GDAP2: variants seen among roughly 807,000 people sequenced by gnomAD.
The protein encoded by GDAP2 is ganglioside-induced differentiation-associated protein 2.
GDAP2 carries 51 observed loss-of-function variants against 67.0 expected under a neutral mutation model. That is an observed-to-expected ratio of 0.76 (90% CI 0.61 to 0.96). GDAP2 has a LOEUF of 0.96. Ranked by LOEUF, GDAP2 falls within the 40% of genes least tolerant of loss-of-function variation. The pLI is 0.00. For missense variants in GDAP2, 547 were observed against 588.3 expected, an observed-to-expected ratio of 0.93 and a Z score of 0.73; for synonymous variants, 203 against 207.3, an observed-to-expected ratio of 0.98 and a Z score of 0.18.
chr1:117,880,766 G>A (rs2101121511), intron 12 of GDAP2, among the ~76,000 whole-genome samples: 1 of 152,288 alleles, frequency 6.6e-6, no homozygotes, highest in African/African-American at 2.4e-5. Flanking sequence ...TACCTGTATG[G>A]TGGGACAACT....
chr1:117,868,097 T>C lies in GDAP2; in HGVS notation c.*2472A>G, dbSNP rs989772390. 1.3e-5 allele frequency: 2 copies of C among 152,242 alleles called. No individual in the cohort carries two copies. The highest frequency in any genetic ancestry group is 4.8e-5 in the African/African-American group (2 of 41,464). 9.4% of individuals were successfully genotyped at this position (152,242 alleles called of 1,614,324 possible). ...CCAGTATCCCCTTTATCCTCTAATA[T>C]GTCCTTGAAAATGGCATGTATTATT... On this transcript the variant is annotated 3_prime_UTR_variant, in exon 14 of 14. Transcript: ENST00000369443.
rs41276596 is a variant in GDAP2, at chr1:117,906,593, G to A, written c.560-11C>T. On this transcript the variant is annotated splice_polypyrimidine_tract_variant and intron_variant, in intron 5 of 13. Transcript: ENST00000369443. ...ATCTTCTTACAGTGCCTAAGGAAAA[G>A]AATAGAAAGATTACTCAATAAATAA... The A allele has an allele frequency of 0.013, 18,129 of 1,348,750 alleles. 462 individuals are homozygous for A. The highest frequency in any genetic ancestry group is 0.084 in the South Asian group (6,702 of 80,214). The allele number at this position is 1,348,750 out of a possible 1,614,324, so 83.5% of individuals were successfully genotyped here.
chr1:117,923,626 A>G (rs1048451196), intron 1 of GDAP2, among the ~76,000 whole-genome samples: 2 of 152,150 alleles, frequency 1.3e-5, no homozygotes, highest in Non-Finnish European at 2.9e-5. Flanking sequence ...CTCCCCCCCA[A>G]ATAAATGTGC....
At position 117,863,990 on chromosome 1, in the gene GDAP2, A is replaced by C. The variant is rs1647980858; in HGVS notation, c.*6579T>G. On this transcript the variant is annotated 3_prime_UTR_variant, in exon 14 of 14. Transcript: ENST00000369443. Reference sequence around the variant, plus strand: ...ACACTGAGGTTCAGAAAAAGTTGAGAAACAGGCCCAAGGTCTGAGTGTGTC... The same window carrying C: ...ACACTGAGGTTCAGAAAAAGTTGAGCAACAGGCCCAAGGTCTGAGTGTGTC... 6.6e-6 allele frequency: 1 copy of C among 152,206 alleles called. No homozygotes were observed. The highest frequency in any genetic ancestry group is 3.2e-3 in the Middle Eastern group (1 of 316). The allele number at this position is 152,206 out of a possible 1,614,324, so 9.4% of individuals were successfully genotyped here. A position where few individuals can be genotyped will look rare whatever the true frequency, so the allele number is the denominator to read the frequency against.
rs968801164 is a variant in GDAP2, at chr1:117,863,569, C to G, written c.*7000G>C. On this transcript the variant is annotated 3_prime_UTR_variant, in exon 14 of 14. Transcript: ENST00000369443. ...GTATTTCACATCAATTTGAAATCAG[C>G]ACATCATACAATTTTTAAAAGGAAA... 6.6e-6 allele frequency: 1 copy of G among 152,156 alleles called. No individual in the cohort carries two copies. The highest frequency in any genetic ancestry group is 6.5e-5 in the Admixed American group (1 of 15,270). 9.4% of individuals were successfully genotyped at this position (152,156 alleles called of 1,614,324 possible).
In GDAP2 at chr1:117,880,758, C is replaced by T. The variant is rs76533464; in HGVS notation, c.1302+1065G>A. Reference sequence around the variant, plus strand: ...ATCTCTCTAAGCATCAATTCCCTTACCTGTATGGTGGGACAACTACTGCCA... The same window carrying T: ...ATCTCTCTAAGCATCAATTCCCTTATCTGTATGGTGGGACAACTACTGCCA... On this transcript the variant is annotated intron_variant, in intron 12 of 13. Transcript: ENST00000369443. 8.5e-5 allele frequency among the ~76,000 whole-genome samples: 13 copies of T among 152,294 alleles called. No individual in the cohort carries two copies. In the Middle Eastern group the frequency reaches 0.017, roughly 199 times the overall value.
chr1:117,911,755 A>T (rs1225945731), intron 5 of GDAP2, among the ~76,000 whole-genome samples: 3 of 139,294 alleles, frequency 2.2e-5, no homozygotes, highest in Admixed American at 1.4e-4. Flanking sequence ...TTTAATGATT[A>T]AAAAAAAAAA....
chr1:117,881,932 A>T, intron 11 of GDAP2, 55 bp from the exon 12 acceptor site: 2 of 891,900 alleles, frequency 2.2e-6, no homozygotes, highest in South Asian at 1.3e-5. Flanking sequence ...GCCTAAAACC[A>T]ATTACTATTA....
chr1:117,896,255 C>CT (rs1238807967), intron 8 of GDAP2, among the ~76,000 whole-genome samples: 1 of 152,072 alleles, frequency 6.6e-6, no homozygotes, highest in Non-Finnish European at 1.5e-5. Flanking sequence ...TTTCTTTAGA[C>CT]TTTTTTGAAA....
intron 5 of GDAP2, among the ~76,000 whole-genome samples, chr1:117,907,227 A>G (rs1431569746): frequency 6.6e-6 from 1 of 152,074 alleles, no homozygotes; most frequent in African/African-American, 2.4e-5. Flanking sequence ...CTTAACACAC[A>G]TGTCCTCATC....
At chr1:117,893,799 C>T (rs769979650) in intron 8 of GDAP2, among the ~76,000 whole-genome samples, 1 of 152,072 alleles carries the variant, frequency 6.6e-6, no homozygotes, top group African/African-American at 2.4e-5. Flanking sequence ...AAAACACAGA[C>T]ATTTTTATGT....
chr1:117,886,640 A>C lies in GDAP2; in HGVS notation c.1044T>G (p.Cys348Trp). 6.4e-7 allele frequency: 1 copy of C among 1,562,252 alleles called. No homozygotes were observed. Among genetic ancestry groups the C allele is most frequent in the Non-Finnish European group, 8.8e-7 (1 of 1,132,916 alleles). Residue 348 changes from cysteine to tryptophan, a missense_variant, in exon 10 of 14, where the codon TGT becomes TGG. Coordinates refer to ENST00000369443, the MANE Select transcript of GDAP2 (RefSeq NM_017686.4). ...KALYQTGVDN[C>W]GRTVMVVVGR... The stretch of plus-strand genomic sequence containing the variant: ...CAACTACCACCATCACTGTTCGACC[A>C]CAGTTATCAACACCTATAAACAGGA...
At chr1:117,873,823 C>T (rs576975588) in intron 13 of GDAP2, among the ~76,000 whole-genome samples, 132 of 152,288 alleles carry the variant, frequency 8.7e-4, no homozygotes, top group African/African-American at 3.1e-3. Context: ...AATTTTATTT[C>T]CTAAAATGTC....
chr1:117,914,040 G>A (rs570671357), intron 3 of GDAP2, among the ~76,000 whole-genome samples: 3 of 152,128 alleles, frequency 2.0e-5, no homozygotes, highest in Non-Finnish European at 4.4e-5. Context: ...AGAAATTTCT[G>A]TTCTTCCTAA....
At chr1:117,909,553 C>A (rs1649778785) in intron 5 of GDAP2, among the ~76,000 whole-genome samples, 1 of 152,066 alleles carries the variant, frequency 6.6e-6, no homozygotes, top group Non-Finnish European at 1.5e-5. Context: ...AGTGTATAAG[C>A]CATTTGTTTT....
intron 6 of GDAP2, among the ~76,000 whole-genome samples, chr1:117,904,382 A>T (rs1048461790): frequency 2.6e-5 from 4 of 152,086 alleles, no homozygotes; most frequent in Admixed American, 6.5e-5. Flanking sequence ...GGACAATCTC[A>T]TTTTACTAAG....
intron 10 of GDAP2, among the ~76,000 whole-genome samples, chr1:117,886,012 T>C (rs773029899): frequency 6.6e-6 from 1 of 152,184 alleles, no homozygotes; most frequent in Non-Finnish European, 1.5e-5. Context: ...TATAGTTTCA[T>C]CTTTGATGAC....
At chr1:117,914,501 C>G (rs1649978477) in intron 3 of GDAP2, among the ~76,000 whole-genome samples, 1 of 151,778 alleles carries the variant, frequency 6.6e-6, no homozygotes. Context: ...TCAGAGAGAA[C>G]AGAGAATACA....
chr1:117,879,722 T>C (rs1255216255), intron 12 of GDAP2, among the ~76,000 whole-genome samples: 2 of 152,216 alleles, frequency 1.3e-5, no homozygotes, highest in East Asian at 1.9e-4. Context: ...CCAGGTAATC[T>C]GAATCTTGAA....
Sources: gnomAD v4.1 joint callset for allele counts (sites outside exome capture counted in the v4.1 genomes callset) on GRCh38, gnomAD v4.1.1 for gene constraint, MANE v1.5 for transcripts, NCBI Gene and HGNC (gene_info 2026-07-23, HGNC 2026-07-21) for gene names.